Variants in FAF1 observed in about 807,000 individuals in gnomAD.
FAF1 encodes the protein FAS-associated factor 1.
A neutral mutation model predicts 92.5 loss-of-function variants in FAF1; 25 were observed. That is an observed-to-expected ratio of 0.27 (90% CI 0.20 to 0.38). The LOEUF is 0.38. Ranked by LOEUF, FAF1 falls within the 10% of genes least tolerant of loss-of-function variation. The pLI is 1.00. For synonymous variants in FAF1, 234 were observed against 273.2 expected (o/e 0.86, Z 1.42); for missense variants, 636 against 793.3 (o/e 0.80, Z 2.38).
intron 6 of FAF1, among the ~76,000 whole-genome samples, chr1:50,734,502 AGGC>A (rs1160216268): frequency 6.6e-6 from 1 of 152,168 alleles, no homozygotes; most frequent in African/African-American, 2.4e-5. Flanking sequence ...TGGGAAGCCG[AGGC>A]GGGTGGATCA....
chr1:50,650,642 A>C (rs987675776), intron 8 of FAF1, among the ~76,000 whole-genome samples: 1 of 152,220 alleles, frequency 6.6e-6, no homozygotes, highest in Non-Finnish European at 1.5e-5. Flanking sequence ...ATAAAAATAA[A>C]AACAAAAAAC....
intron 4 of FAF1, chr1:50,781,077 G>A (rs886751352): frequency 7.7e-6 from 3 of 391,234 alleles, no homozygotes; most frequent in Non-Finnish European, 1.5e-5. Context: ...AGGACATTGA[G>A]TACCAGCTCT....
intron 8 of FAF1, among the ~76,000 whole-genome samples, chr1:50,605,322 G>T (rs1436551964): frequency 6.6e-6 from 1 of 152,090 alleles, no homozygotes; most frequent in East Asian, 1.9e-4. Context: ...AAGAGGTTCT[G>T]AAGTATTTTA....
chr1:50,457,439 C>T lies in FAF1; in HGVS notation c.1870-15916G>A, dbSNP rs1646366436. On this transcript the variant is annotated intron_variant, in intron 18 of 18. Coordinates refer to ENST00000396153, the MANE Select transcript of FAF1 (RefSeq NM_007051.3). Reference sequence around the variant, plus strand: ...GTTAATCTGCGCACATACACATTTGCAGTTGTTTGTGTTTACAATGGGGTT... The same window carrying T: ...GTTAATCTGCGCACATACACATTTGTAGTTGTTTGTGTTTACAATGGGGTT... 2.6e-5 allele frequency among the ~76,000 whole-genome samples: 4 copies of T among 152,126 alleles called. No homozygotes were observed. In the South Asian group the frequency reaches 8.3e-4, roughly 32 times the overall value.
At chr1:50,754,779 G>T (rs1284669029) in intron 4 of FAF1, among the ~76,000 whole-genome samples, 1 of 152,122 alleles carries the variant, frequency 6.6e-6, no homozygotes. Context: ...GTTCCAAATG[G>T]TTGGGGAGGC....
At chr1:50,573,766 T>C (rs1650568779) in intron 12 of FAF1, among the ~76,000 whole-genome samples, 1 of 151,006 alleles carries the variant, frequency 6.6e-6, no homozygotes, top group Non-Finnish European at 1.5e-5. Context: ...GACACAGATA[T>C]CTGAATCTTG....
intron 1 of FAF1, among the ~76,000 whole-genome samples, chr1:50,917,259 T>A (rs778914581): frequency 2.6e-5 from 4 of 152,188 alleles, no homozygotes; most frequent in Non-Finnish European, 5.9e-5. Context: ...AATCATCTAT[T>A]TGCAGGCTCA....
intron 13 of FAF1, among the ~76,000 whole-genome samples, chr1:50,545,538 G>A (rs948570877): frequency 2.0e-5 from 3 of 151,520 alleles, no homozygotes; most frequent in African/African-American, 7.3e-5. Context: ...CAAAGTGCTG[G>A]GATTATACAG....
chr1:50,884,058 G>C (rs1644636719), intron 1 of FAF1, among the ~76,000 whole-genome samples: 1 of 152,036 alleles, frequency 6.6e-6, no homozygotes, highest in Admixed American at 6.5e-5. Context: ...CCAGGAGGCG[G>C]AAGTTGCAGT....
At chr1:50,941,967 C>T (rs1174912518) in intron 1 of FAF1, among the ~76,000 whole-genome samples, 1 of 151,918 alleles carries the variant, frequency 6.6e-6, no homozygotes, top group Non-Finnish European at 1.5e-5. Flanking sequence ...CCTAGCATAC[C>T]CATTTGAGAA....
chr1:50,546,990 G>A (rs1649049474), intron 13 of FAF1, among the ~76,000 whole-genome samples: 1 of 152,082 alleles, frequency 6.6e-6, no homozygotes, highest in African/African-American at 2.4e-5. Context: ...ACGGGCTCCA[G>A]TGATCCTCCT....
intron 4 of FAF1, among the ~76,000 whole-genome samples, chr1:50,786,042 G>C (rs1661350610): frequency 6.6e-6 from 1 of 152,064 alleles, no homozygotes; most frequent in Admixed American, 6.5e-5. Context: ...CCAAGGCAGG[G>C]GGACTGCTTG....
chr1:50,480,195 G>T (rs1337692448), intron 17 of FAF1, among the ~76,000 whole-genome samples: 1 of 152,100 alleles, frequency 6.6e-6, no homozygotes, highest in Non-Finnish European at 1.5e-5. Context: ...ATATCTGAGG[G>T]ATGAGAAATG....
At chr1:50,700,078 C>T (rs1657399063) in intron 7 of FAF1, among the ~76,000 whole-genome samples, 1 of 151,994 alleles carries the variant, frequency 6.6e-6, no homozygotes, top group African/African-American at 2.4e-5. Context: ...CCACCCTCCC[C>T]AAAAATAACG....
chr1:50,447,121 C>CTTTTTTTTTTTT (rs61612294), intron 18 of FAF1, among the ~76,000 whole-genome samples: 15 of 112,842 alleles, frequency 1.3e-4, no homozygotes, highest in East Asian at 2.6e-4. Flanking sequence ...CATATTCCTG[C>CTTTTTTTTTTTT]TTTTTTTTTT....
chr1:50,648,978 T>G (rs529801804), intron 8 of FAF1, among the ~76,000 whole-genome samples: 1 of 152,050 alleles, frequency 6.6e-6, no homozygotes, highest in Non-Finnish European at 1.5e-5. Flanking sequence ...AGAGACAGGT[T>G]TCAATACGTT....
At chr1:50,627,288 G>C (rs1007988606) in intron 8 of FAF1, among the ~76,000 whole-genome samples, 2 of 152,050 alleles carry the variant, frequency 1.3e-5, no homozygotes, top group African/African-American at 2.4e-5. Context: ...TTAGTGACAG[G>C]GTAAAGAAGG....
At chr1:50,752,599 A>T (rs994519377) in intron 4 of FAF1, among the ~76,000 whole-genome samples, 1 of 151,958 alleles carries the variant, frequency 6.6e-6, no homozygotes, top group Non-Finnish European at 1.5e-5. Context: ...TCTACTACTT[A>T]TCCATTTTCC....
chr1:50,519,572 C>T (rs1647399409), intron 15 of FAF1, among the ~76,000 whole-genome samples: 1 of 152,158 alleles, frequency 6.6e-6, no homozygotes, highest in South Asian at 2.1e-4. Context: ...AAACCTCTAA[C>T]ACATTTTGGT....
Sources: allele counts gnomAD v4.1 joint callset (sites outside exome capture counted in the v4.1 genomes callset), GRCh38; gene constraint gnomAD v4.1.1; transcripts MANE v1.5; gene names NCBI Gene and HGNC (gene_info 2026-07-23, HGNC 2026-07-21).